Variants in OVCH1 observed in about 807,000 individuals in gnomAD.
The protein encoded by OVCH1 is ovochymase-1.
A neutral mutation model predicts 138.4 loss-of-function variants in OVCH1; 139 were observed. The ratio of observed to expected loss-of-function variants is 1.00; its 90% confidence interval spans 0.87 to 1.16. The LOEUF is 1.16. OVCH1 is among the 50% of genes most tolerant of loss of function. OVCH1 has a pLI of 0.00. For missense variants in OVCH1, 1,367 were observed against 1,357.9 expected (o/e 1.01, Z -0.11); for synonymous variants, 453 against 467.8 (o/e 0.97, Z 0.41).
chr12:29,432,730 G>T (rs1234785258), intron 27 of OVCH1, among the ~76,000 whole-genome samples: 1 of 152,112 alleles, frequency 6.6e-6, no homozygotes, highest in African/African-American at 2.4e-5. Context: ...GAAAGGAAGA[G>T]AGTCAAAGAC....
intron 21 of OVCH1, 78 bp from the exon 22 acceptor site, chr12:29,451,647 A>G (rs1941800175): frequency 8.7e-7 from 1 of 1,148,738 alleles, no homozygotes; most frequent in African/African-American, 1.6e-5. Flanking sequence ...ACAAGACTGA[A>G]AAATCTAGGC....
At chr12:29,495,731 A>C (rs2136100681) in intron 3 of OVCH1, among the ~76,000 whole-genome samples, 1 of 152,274 alleles carries the variant, frequency 6.6e-6, no homozygotes, top group East Asian at 1.9e-4. Context: ...CACACATGCA[A>C]TGCCATTTGT....
At chr12:29,465,342 T>C (rs1592075282) in intron 16 of OVCH1, 123 bp from the exon 17 acceptor site, 1 of 767,240 alleles carries the variant, frequency 1.3e-6, no homozygotes, top group East Asian at 2.9e-5. Flanking sequence ...GGAAAAGAGG[T>C]TTATGAAGAA....
At chr12:29,413,345 T>A (rs987616835) in intron 3 of OVCH1, among the ~76,000 whole-genome samples, 6 of 152,288 alleles carry the variant, frequency 3.9e-5, no homozygotes, top group African/African-American at 1.4e-4. Context: ...TAATCATTTT[T>A]TAAAAATACA....
chr12:29,465,235 C>G lies in OVCH1; in HGVS notation c.1857-16G>C, dbSNP rs1450691602. Reference sequence around the variant, plus strand: ...ATTATTCTTCCTGGAGACAGAAGAACAGTGAAAGTTTGACATGAAAACACA... The same window carrying G: ...ATTATTCTTCCTGGAGACAGAAGAAGAGTGAAAGTTTGACATGAAAACACA... On this transcript the variant is annotated splice_polypyrimidine_tract_variant and intron_variant, in intron 16 of 27. Transcript: ENST00000318184. The G allele has an allele frequency of 3.2e-6, 5 of 1,576,398 alleles. No individual in the cohort carries two copies. Among genetic ancestry groups the G allele is most frequent in the Non-Finnish European group, 3.5e-6 (4 of 1,159,194 alleles).
chr12:29,489,820 AAATT>A (rs1565613519), intron 5 of OVCH1, 49 bp from the exon 6 acceptor site: 1 of 1,551,940 alleles, frequency 6.4e-7, no homozygotes, highest in East Asian at 2.3e-5. Context: ...TCATGGAAAC[AAATT>A]AATGGGAAGT....
chr12:29,468,203 G>C (rs145781563), intron 16 of OVCH1, among the ~76,000 whole-genome samples: 5 of 152,254 alleles, frequency 3.3e-5, no homozygotes, highest in Admixed American at 3.3e-4. Flanking sequence ...ATGACTTCTA[G>C]AGAAAAATAG....
At chr12:29,417,783 GTGTGTGTGTGTCTGTGTC>G (rs763870892) in intron 3 of OVCH1, among the ~76,000 whole-genome samples, 1 of 120,970 alleles carries the variant, frequency 8.3e-6, no homozygotes, top group African/African-American at 3.4e-5. Context: ...GTGTGTGTGT[GTGTGTGTGTGTCTGTGTC>G]TGTGTGTGTT....
chr12:29,481,435 AC>A (rs1036552723), intron 8 of OVCH1, among the ~76,000 whole-genome samples: 1 of 152,124 alleles, frequency 6.6e-6, no homozygotes, highest in Admixed American at 6.5e-5. Context: ...TTGACTCCTT[AC>A]TTTAGTCCCT....
the OVCH1 span, among the ~76,000 whole-genome samples, chr12:29,402,746 G>A: frequency 6.6e-6 from 1 of 151,948 alleles, no homozygotes; most frequent in East Asian, 1.9e-4. Flanking sequence ...GAGATGGATT[G>A]AGAAGTTGAA....
downstream of OVCH1, among the ~76,000 whole-genome samples, chr12:29,409,739 A>G (rs1239080643): frequency 6.6e-6 from 1 of 152,112 alleles, no homozygotes; most frequent in Admixed American, 6.5e-5. Flanking sequence ...TATGTTGTCA[A>G]TTTTGGAATA....
At chr12:29,488,844 A>T (rs965694756) in intron 6 of OVCH1, among the ~76,000 whole-genome samples, 3 of 152,118 alleles carry the variant, frequency 2.0e-5, no homozygotes, top group Admixed American at 2.0e-4. Flanking sequence ...AGATAGGAAA[A>T]AGCACCTTTA....
chr12:29,489,859 C>G, intron 5 of OVCH1, 88 bp from the exon 6 acceptor site: 8 of 1,383,612 alleles, frequency 5.8e-6, no homozygotes, highest in Non-Finnish European at 8.0e-6. Context: ...CTATTTCAAA[C>G]AGATTTTTAA....
chr12:29,477,442 A>G, exon 11 of OVCH1: 1 of 1,613,998 alleles, frequency 6.2e-7, no homozygotes, highest in Non-Finnish European at 8.5e-7. Context: ...GGTCTCTGCC[A>G]GCAATGGTGA....
chr12:29,474,980 T>C, intron 14 of OVCH1, 81 bp downstream of exon 14: 1 of 1,437,352 alleles, frequency 7.0e-7, no homozygotes, highest in Non-Finnish European at 9.4e-7. Context: ...TATACTACAT[T>C]GAGGTAAACA....
chr12:29,431,474 A>C (rs970539532), intron 27 of OVCH1, among the ~76,000 whole-genome samples: 1 of 152,072 alleles, frequency 6.6e-6, no homozygotes, highest in Non-Finnish European at 1.5e-5. Context: ...TTAAGCAACC[A>C]ATATTCATGT....
chr12:29,430,001 C>T (rs1466320583), intron 27 of OVCH1, among the ~76,000 whole-genome samples: 1 of 152,180 alleles, frequency 6.6e-6, no homozygotes, highest in Non-Finnish European at 1.5e-5. Flanking sequence ...AAATCACAAA[C>T]TGTAAATCCA....
chr12:29,428,493 G>A (rs1224361432), intron 27 of OVCH1, among the ~76,000 whole-genome samples: 2 of 152,162 alleles, frequency 1.3e-5, no homozygotes, highest in Non-Finnish European at 2.9e-5. Context: ...TTTGGTGAAA[G>A]GGTATTGACA....
At chr12:29,407,901 G>A (rs1940904527), downstream of OVCH1, among the ~76,000 whole-genome samples, 5 of 150,642 alleles carry the variant, frequency 3.3e-5, 1 homozygote, top group South Asian at 4.3e-4. Flanking sequence ...CTTGGGCAGT[G>A]TGGCCATTTT....
Sources: allele counts gnomAD v4.1 joint callset (sites outside exome capture counted in the v4.1 genomes callset), GRCh38; gene constraint gnomAD v4.1.1; transcripts MANE v1.5; gene names NCBI Gene and HGNC (gene_info 2026-07-23, HGNC 2026-07-21).